The following SAMD5 variants were observed in gnomAD, a reference collection of about 807,000 sequenced individuals.
SAMD5 encodes sterile alpha motif domain containing 5.
In SAMD5, 13 loss-of-function variants were observed where a neutral mutation model predicts 11.3. That is an observed-to-expected ratio of 1.15 (90% CI 0.75 to 1.83). The LOEUF is 1.83. Among genes scored for constraint, SAMD5 ranks in the 40% most tolerant of loss-of-function variants. SAMD5 has a pLI of 0.00. For missense variants in SAMD5, 255 were observed against 239.1 expected, an observed-to-expected ratio of 1.07 and a Z score of -0.44; for synonymous variants, 129 against 111.3, an observed-to-expected ratio of 1.16 and a Z score of -1.00.
intron 1 of SAMD5, among the ~76,000 whole-genome samples, chr6:147,723,004 T>G (rs987764949): frequency 6.6e-6 from 1 of 152,204 alleles, no homozygotes; most frequent in Admixed American, 6.5e-5. Context: ...TCCTAGTGTT[T>G]CTACTCCATC....
the SAMD5 span, among the ~76,000 whole-genome samples, chr6:147,794,363 A>T: frequency 6.6e-6 from 1 of 152,300 alleles, no homozygotes; most frequent in East Asian, 1.9e-4. Context: ...AAAAAGCCTT[A>T]TGCAGGATAT....
Position 147,509,057 on chromosome 6 carries a change from C to T in SAMD5, c.129C>T (p.Ala43=). Residue 43 remains alanine (A), a synonymous_variant, in exon 1 of 2, where the codon GCC becomes GCT. Coordinates refer to ENST00000367474, the MANE Select transcript of SAMD5 (RefSeq NM_001030060.3). The part of the protein sequence containing the change: ...CKQIGDPDLD[A]IGVLAPAHRR... The stretch of plus-strand genomic sequence containing the variant: ...AGATCGGGGACCCGGACCTGGATGC[C>T]ATCGGGGTGCTGGCGCCCGCGCACC... 2 of 1,605,572 alleles carry T rather than the reference C, an allele frequency of 1.2e-6. No homozygotes were observed. Among genetic ancestry groups the T allele is most frequent in the Middle Eastern group, 1.7e-4 (1 of 6,048 alleles).
chr6:147,748,297 C>A, the SAMD5 span, among the ~76,000 whole-genome samples: 2 of 152,148 alleles, frequency 1.3e-5, no homozygotes, highest in Non-Finnish European at 2.9e-5. Context: ...CGTTCAGGAG[C>A]ACAGGTCATT....
the SAMD5 span, among the ~76,000 whole-genome samples, chr6:147,803,691 G>C: frequency 2.0e-5 from 3 of 152,192 alleles, no homozygotes; most frequent in Non-Finnish European, 4.4e-5. Context: ...TGACCCATCT[G>C]TTAAGCAGCT....
rs117753585 is a variant in SAMD5, at chr6:147,520,517, G to C, written c.459+11130G>C. On this transcript the variant is annotated intron_variant, in intron 1 of 1. Transcript: ENST00000367474. ...TGTTAAAAAGCAAACACATTGTATT[G>C]AGAAAATTTGGAGAACAGTGAAACA... Among the ~76,000 whole-genome samples the C allele has an allele frequency of 5.6e-4, 85 of 152,268 alleles. 1 individual carries two copies. The East Asian group carries it at 0.014, about 26-fold the overall frequency.
At chr6:147,519,752 A>G (rs1788223087) in intron 1 of SAMD5, among the ~76,000 whole-genome samples, 1 of 152,248 alleles carries the variant, frequency 6.6e-6, no homozygotes, top group South Asian at 2.1e-4. Context: ...CATGTAGAAT[A>G]CAATGCTTAT....
Position 147,565,320 on chromosome 6 carries a change from G to A in SAMD5, c.*864G>A, listed in dbSNP as rs892097846. ...GACTTCAGGCCTGTGGGGGCCGGGAGGTGGGCAGCGGCAGTGGCCTGAGGA... is the reference window on the plus strand; with the variant it reads ...GACTTCAGGCCTGTGGGGGCCGGGAAGTGGGCAGCGGCAGTGGCCTGAGGA... On this transcript the variant is annotated 3_prime_UTR_variant, in exon 2 of 2. Transcript: ENST00000367474. 7.1e-6 allele frequency: 7 copies of A among 985,838 alleles called. No homozygotes were observed. Among genetic ancestry groups the A allele is most frequent in the Admixed American group, 6.1e-5 (1 of 16,276 alleles). The allele number at this position is 985,838 out of a possible 1,614,324, so 61.1% of individuals were successfully genotyped here. A position where few individuals can be genotyped will look rare whatever the true frequency, so the allele number is the denominator to read the frequency against.
intron 1 of SAMD5, among the ~76,000 whole-genome samples, chr6:147,659,256 C>T (rs889268197): frequency 9.0e-6 from 1 of 111,034 alleles, no homozygotes; most frequent in Non-Finnish European, 2.2e-5. Context: ...GTTCTCAGTA[C>T]ATTTAAAAAA....
At chr6:147,647,920 C>A (rs1367297033) in intron 1 of SAMD5, among the ~76,000 whole-genome samples, 1 of 152,142 alleles carries the variant, frequency 6.6e-6, no homozygotes, top group Non-Finnish European at 1.5e-5. Flanking sequence ...TCACTCAAAC[C>A]CGTTCTTCTG....
intron 1 of SAMD5, among the ~76,000 whole-genome samples, chr6:147,590,021 G>A (rs1347862328): frequency 1.3e-5 from 2 of 152,132 alleles, no homozygotes; most frequent in Non-Finnish European, 2.9e-5. Flanking sequence ...ACTGTTCAGG[G>A]CTGCCAAATT....
rs147133038 is a variant in SAMD5, at chr6:147,730,166, C to T, written c.163-7151C>T. ...GAGAGGGAGAGAAAGATGATGATTT[C>T]GGGAAAGAGCCTTGGGGGCATGCCT... is the stretch of plus-strand genomic sequence containing the variant. On this transcript the variant is annotated intron_variant, in intron 1 of 1. Coordinates refer to the SAMD5 transcript ENST00000566741. 1,256 of 418,076 alleles carry T rather than the reference C, an allele frequency of 3.0e-3. 14 individuals are homozygous for T. The highest frequency in any genetic ancestry group is 0.024 in the African/African-American group (1,132 of 47,372). The allele number at this position is 418,076 out of a possible 1,614,324, so 25.9% of individuals were successfully genotyped here.
the SAMD5 span, among the ~76,000 whole-genome samples, chr6:147,928,442 G>GT: frequency 1.3e-3 from 196 of 152,154 alleles, 1 homozygote; most frequent in Non-Finnish European, 2.2e-3. Context: ...AGGTTTTCTA[G>GT]TTTTTTCACA....
chr6:147,522,256 T>A (rs1246636548), intron 1 of SAMD5, among the ~76,000 whole-genome samples: 2 of 152,192 alleles, frequency 1.3e-5, no homozygotes, highest in African/African-American at 4.8e-5. Context: ...GGTATTCTTA[T>A]AATTTTCCCA....
At chr6:147,701,805 A>T (rs1272935424) in intron 1 of SAMD5, among the ~76,000 whole-genome samples, 1 of 152,230 alleles carries the variant, frequency 6.6e-6, no homozygotes, top group Admixed American at 6.5e-5. Flanking sequence ...CTGATCATCC[A>T]TACTGGCTTT....
chr6:147,851,598 C>G, the SAMD5 span, among the ~76,000 whole-genome samples: 1 of 152,248 alleles, frequency 6.6e-6, no homozygotes, highest in East Asian at 1.9e-4. Context: ...TAGCTCAACT[C>G]GTACCACCTC....
At chr6:147,857,407 C>T in the SAMD5 span, among the ~76,000 whole-genome samples, 2 of 151,610 alleles carry the variant, frequency 1.3e-5, no homozygotes, top group South Asian at 4.2e-4. Flanking sequence ...TTCCAGTGGC[C>T]GTGGTGGGAG....
At chr6:147,633,193 T>C (rs1790176762) in intron 1 of SAMD5, among the ~76,000 whole-genome samples, 1 of 152,196 alleles carries the variant, frequency 6.6e-6, no homozygotes, top group Admixed American at 6.5e-5. Flanking sequence ...ATACACCAAA[T>C]ACAGCATTCC....
chr6:147,918,188 A>C, the SAMD5 span, among the ~76,000 whole-genome samples: 30,778 of 152,082 alleles, frequency 0.2, 3,715 homozygotes, highest in South Asian at 0.44. Flanking sequence ...ATTCTTCCTA[A>C]CCATGAGCAT....
chr6:147,797,771 T>C, the SAMD5 span, among the ~76,000 whole-genome samples: 19 of 146,292 alleles, frequency 1.3e-4, no homozygotes, highest in African/African-American at 4.7e-4. Context: ...ATTCAGAGAT[T>C]CAACTTCTTC....
Sources: gnomAD v4.1 joint callset for allele counts (sites outside exome capture counted in the v4.1 genomes callset) on GRCh38, gnomAD v4.1.1 for gene constraint, MANE v1.5 for transcripts, NCBI Gene and HGNC (gene_info 2026-07-23, HGNC 2026-07-21) for gene names.